CPQ: variants seen among roughly 807,000 people sequenced by gnomAD.
CPQ encodes the protein Ser-Met dipeptidase.
In CPQ, 37 loss-of-function variants were observed where a neutral mutation model predicts 45.7. The observed-to-expected ratio is 0.81, with a 90% CI of 0.62 to 1.07. The LOEUF is 1.07. CPQ is among the 50% of genes least tolerant of loss of function. The probability of loss-of-function intolerance (pLI) is 0.00; values close to 1 mark genes in which losing one functional copy is unlikely to be tolerated. For missense variants in CPQ, 537 were observed against 572.9 expected (o/e 0.94, Z 0.64); for synonymous variants, 186 against 205.8 (o/e 0.90, Z 0.82).
chr8:97,021,846 G>T (rs1445458288), intron 5 of CPQ, among the ~76,000 whole-genome samples: 1 of 152,014 alleles, frequency 6.6e-6, no homozygotes, highest in Non-Finnish European at 1.5e-5. Context: ...ATTCTTCACA[G>T]AATTTAAAAG....
At chr8:96,743,459 G>A (rs1810125672) in intron 1 of CPQ, among the ~76,000 whole-genome samples, 1 of 152,100 alleles carries the variant, frequency 6.6e-6, no homozygotes, top group African/African-American at 2.4e-5. Flanking sequence ...ATCATCTGAA[G>A]CCTTCTTCTC....
chr8:96,821,698 C>T lies in CPQ; in HGVS notation c.434-13275C>T, dbSNP rs561315390. 4.3e-4 allele frequency among the ~76,000 whole-genome samples: 65 copies of T among 152,024 alleles called. No homozygotes were observed. In the South Asian group the frequency reaches 0.013, roughly 31 times the overall value. ...TTGAAGACCCCTCCTATTTGCCAGA[C>T]ACTGTTCTTTCATTGACTAATAAAT... is the stretch of plus-strand genomic sequence containing the variant. On this transcript the variant is annotated intron_variant, in intron 2 of 7. Coordinates refer to ENST00000220763, the MANE Select transcript of CPQ (RefSeq NM_016134.4).
At chr8:96,930,059 C>A (rs773512748) in intron 4 of CPQ, among the ~76,000 whole-genome samples, 1 of 152,064 alleles carries the variant, frequency 6.6e-6, no homozygotes, top group Non-Finnish European at 1.5e-5. Context: ...GATATAGGTT[C>A]CCTGAGACAT....
intron 4 of CPQ, among the ~76,000 whole-genome samples, chr8:96,960,564 C>G (rs1813442297): frequency 6.6e-6 from 1 of 152,156 alleles, no homozygotes; most frequent in Admixed American, 6.6e-5. Context: ...TACACATGTT[C>G]TCACCACTGA....
intron 4 of CPQ, among the ~76,000 whole-genome samples, chr8:96,892,815 C>A (rs1051096416): frequency 1.3e-5 from 2 of 152,086 alleles, no homozygotes; most frequent in African/African-American, 4.8e-5. Flanking sequence ...CTCTTTCCTC[C>A]AATCAAGTCA....
intron 1 of CPQ, among the ~76,000 whole-genome samples, chr8:96,669,983 A>G (rs2651482): frequency 0.51 from 77,778 of 152,062 alleles, 21,783 homozygotes; most frequent in Non-Finnish European, 0.63. Context: ...GTTTAAAGAC[A>G]CCTTACTGAG....
intron 1 of CPQ, among the ~76,000 whole-genome samples, chr8:96,734,922 A>G (rs1809961074): frequency 6.6e-6 from 1 of 151,782 alleles, no homozygotes; most frequent in African/African-American, 2.4e-5. Flanking sequence ...GGATTTTCAC[A>G]TACTCTCTTA....
chr8:96,984,402 C>A (rs1328777689), intron 5 of CPQ, among the ~76,000 whole-genome samples: 1 of 152,158 alleles, frequency 6.6e-6, no homozygotes, highest in African/African-American at 2.4e-5. Flanking sequence ...CATGAGGGAT[C>A]TGCCCACATG....
intron 1 of CPQ, among the ~76,000 whole-genome samples, chr8:96,754,809 C>T (rs1810310165): frequency 1.3e-5 from 2 of 152,006 alleles, no homozygotes; most frequent in African/African-American, 4.8e-5. Context: ...CAGTGCATGG[C>T]ACATGGTAAA....
intron 1 of CPQ, among the ~76,000 whole-genome samples, chr8:96,758,383 AGCACCC>A (rs1810353800): frequency 2.0e-5 from 3 of 152,244 alleles, no homozygotes; most frequent in Non-Finnish European, 4.4e-5. Context: ...AATGGAAGGA[AGCACCC>A]ATTTTATGTG....
chr8:96,649,704 G>C lies in CPQ; in HGVS notation c.-35+4302G>C, dbSNP rs560880009. Among the ~76,000 whole-genome samples, 7 of 152,326 alleles carry C rather than the reference G, an allele frequency of 4.6e-5. No homozygotes were observed. The East Asian group carries it at 1.4e-3, about 29-fold the overall frequency. Reference sequence around the variant, plus strand: ...ATATAGCCTTTTCTGTAGCTGTGCTGTGATGTCACACAGTCAAGACCTTGG... The same window carrying C: ...ATATAGCCTTTTCTGTAGCTGTGCTCTGATGTCACACAGTCAAGACCTTGG... On this transcript the variant is annotated intron_variant, in intron 1 of 7. Transcript: ENST00000220763.
intron 1 of CPQ, among the ~76,000 whole-genome samples, chr8:96,776,350 C>A (rs1160734660): frequency 6.6e-6 from 1 of 152,090 alleles, no homozygotes; most frequent in African/African-American, 2.4e-5. Flanking sequence ...TCAGTGAATC[C>A]TGTTCAGGAA....
At position 96,991,551 on chromosome 8, in the gene CPQ, GTCA is replaced by G. The variant is rs1323063698; in HGVS notation, c.961+25507_961+25509del. ...AGCCTGGGAGACAGAACAAGAGTCT[GTCA>G]TAATAATAATAATAATAATAATAAT... On this transcript the variant is annotated intron_variant, in intron 5 of 7. Transcript: ENST00000220763. Among the ~76,000 whole-genome samples, 110 of 114,640 alleles carry G rather than the reference GTCA, an allele frequency of 9.6e-4. 1 individual carries two copies. In the South Asian group the frequency reaches 0.012, roughly 12 times the overall value. 75.2% of individuals were successfully genotyped at this position (114,640 alleles called of 152,430 possible). A position where few individuals can be genotyped will look rare whatever the true frequency, so the allele number is the denominator to read the frequency against.
intron 2 of CPQ, 94 bp downstream of exon 2, chr8:96,785,424 G>A (rs1201691121): frequency 2.8e-6 from 3 of 1,077,888 alleles, no homozygotes; most frequent in Non-Finnish European, 3.9e-6. Flanking sequence ...ATTATAATTT[G>A]GATAATTTCC....
At chr8:97,037,802 A>G in intron 6 of CPQ, among the ~76,000 whole-genome samples, 1 of 152,204 alleles carries the variant, frequency 6.6e-6, no homozygotes, top group East Asian at 1.9e-4. Context: ...TGGTAATTAT[A>G]TATCAATGTA....
intron 1 of CPQ, among the ~76,000 whole-genome samples, chr8:96,675,742 C>A (rs1269635197): frequency 1.3e-5 from 2 of 151,956 alleles, no homozygotes; most frequent in Non-Finnish European, 2.9e-5. Flanking sequence ...GGGAACAGCA[C>A]TCTGTTTTAG....
chr8:96,837,671 C>G (rs552646527), intron 3 of CPQ, among the ~76,000 whole-genome samples: 2 of 152,178 alleles, frequency 1.3e-5, no homozygotes, highest in African/African-American at 4.8e-5. Flanking sequence ...ATTTCCAAAC[C>G]CCTCTCTCCC....
At chr8:97,081,312 T>C (rs1810946285) in intron 7 of CPQ, among the ~76,000 whole-genome samples, 1 of 152,160 alleles carries the variant, frequency 6.6e-6, no homozygotes, top group Admixed American at 6.6e-5. Flanking sequence ...GATACCCTGA[T>C]CATTGTAGTC....
intron 1 of CPQ, among the ~76,000 whole-genome samples, chr8:96,774,680 G>C (rs1392051825): frequency 1.3e-5 from 2 of 152,132 alleles, no homozygotes; most frequent in Non-Finnish European, 2.9e-5. Context: ...GACTAGGGTG[G>C]GGAATAAAGG....
Sources: allele counts gnomAD v4.1 joint callset (sites outside exome capture counted in the v4.1 genomes callset), GRCh38; gene constraint gnomAD v4.1.1; transcripts MANE v1.5; gene names NCBI Gene and HGNC (gene_info 2026-07-23, HGNC 2026-07-21).